ZNF124: variants seen among roughly 807,000 people sequenced by gnomAD.
ZNF124 encodes zinc finger protein 124, also known as zinc finger protein HZF-16.
Under a neutral mutation model 26.6 loss-of-function variants are expected in ZNF124, and 25 were observed. That is an observed-to-expected ratio of 0.94 (90% CI 0.68 to 1.31). The LOEUF (loss-of-function observed/expected upper bound fraction) is 1.31, where lower values mean the gene tolerates loss of function less well. Among genes scored for constraint, ZNF124 ranks in the 40% most tolerant of loss-of-function variants. ZNF124 has a pLI of 0.00. For missense variants in ZNF124, 444 were observed against 422.2 expected, an observed-to-expected ratio of 1.05 and a Z score of -0.45; for synonymous variants, 129 against 133.3, an observed-to-expected ratio of 0.97 and a Z score of 0.22.
chr1:247,123,505 G>T, exon 4 of ZNF124: 2 of 191,730 alleles, frequency 1.0e-5, no homozygotes, highest in Non-Finnish European at 1.1e-5. Flanking sequence ...TACGTGAGCC[G>T]TTTTTTGTTA....
At chr1:247,132,068 G>A (rs1672380519) in intron 3 of ZNF124, among the ~76,000 whole-genome samples, 1 of 152,180 alleles carries the variant, frequency 6.6e-6, no homozygotes, top group Non-Finnish European at 1.5e-5. Flanking sequence ...CCCAGAAGGA[G>A]GAGCAGGCAC....
In ZNF124 at chr1:247,125,430, C is replaced by CTTTTTTTTTTTTTTTTTTTTTTTTT. The variant is rs71566695; in HGVS notation, c.219-1584_219-1560dup. 8.5e-4 allele frequency among the ~76,000 whole-genome samples: 37 copies of CTTTTTTTTTTTTTTTTTTTTTTTTT among 43,296 alleles called. 7 individuals are homozygous for CTTTTTTTTTTTTTTTTTTTTTTTTT. Among genetic ancestry groups the CTTTTTTTTTTTTTTTTTTTTTTTTT allele is most frequent in the Non-Finnish European group, 1.2e-3 (28 of 23,386 alleles). 28.4% of individuals were successfully genotyped at this position (43,296 alleles called of 152,430 possible). A position where few individuals can be genotyped will look rare whatever the true frequency, so the allele number is the denominator to read the frequency against. On this transcript the variant is annotated intron_variant, in intron 3 of 3. Coordinates refer to the ZNF124 transcript ENST00000472531. Reference sequence around the variant, plus strand: ...TATCTTCACCGACACCTGTTTTTGTCTTTTTTTTTTTTTTTTTTTTTTTTT... The same window carrying CTTTTTTTTTTTTTTTTTTTTTTTTT: ...TATCTTCACCGACACCTGTTTTTGTCTTTTTTTTTTTTTTTTTTTTTTTTTTTTTTTTTTTTTTTTTTTTTTTTTT...
intron 1 of ZNF124, among the ~76,000 whole-genome samples, chr1:247,163,126 G>C (rs1175305345): frequency 6.6e-6 from 1 of 151,970 alleles, no homozygotes; most frequent in African/African-American, 2.4e-5. Flanking sequence ...AAACATACAA[G>C]AATCTCTGGA....
At chr1:247,162,835 A>C (rs1405173593) in intron 1 of ZNF124, among the ~76,000 whole-genome samples, 1 of 152,144 alleles carries the variant, frequency 6.6e-6, no homozygotes, top group Non-Finnish European at 1.5e-5. Context: ...CACAGAGTTA[A>C]CAGTGGGAGG....
intron 1 of ZNF124, among the ~76,000 whole-genome samples, chr1:247,160,739 T>A (rs1268038180): frequency 6.6e-6 from 1 of 152,224 alleles, no homozygotes; most frequent in East Asian, 1.9e-4. Context: ...TCTGATGAGC[T>A]TCCCTGGTAG....
downstream of ZNF124, among the ~76,000 whole-genome samples, chr1:247,151,948 T>A (rs1306155232): frequency 6.6e-6 from 1 of 152,042 alleles, no homozygotes; most frequent in Non-Finnish European, 1.5e-5. Flanking sequence ...GAAAGTGACC[T>A]ATGCTGTTAG....
At chr1:247,147,106 A>G (rs898176883) in intron 3 of ZNF124, among the ~76,000 whole-genome samples, 1 of 150,074 alleles carries the variant, frequency 6.7e-6, no homozygotes, top group African/African-American at 2.5e-5. Context: ...ATTGGTTTAA[A>G]CCAATTTCAG....
chr1:247,170,453 T>G (rs1674042600), intron 1 of ZNF124, among the ~76,000 whole-genome samples: 1 of 150,512 alleles, frequency 6.6e-6, no homozygotes, highest in African/African-American at 2.4e-5. Context: ...TTTGAGACCC[T>G]GCTTGCCTTA....
Position 247,156,038 on chromosome 1 carries a change from A to G in ZNF124, c.*528T>C. The G allele has an allele frequency of 1.0e-6, 1 of 962,912 alleles. No individual in the cohort carries two copies. Among genetic ancestry groups the G allele is most frequent in the Non-Finnish European group, 1.2e-6 (1 of 809,584 alleles). The allele number at this position is 962,912 out of a possible 1,614,324, so 59.6% of individuals were successfully genotyped here. On this transcript the variant is annotated 3_prime_UTR_variant, in exon 4 of 4. Coordinates refer to ENST00000543802, the MANE Select transcript of ZNF124 (RefSeq NM_001297568.2). ...GAATTGTACTATAATTATTTTCCAT[A>G]AGGTTTTCCATAATATTTACATTTA...
intron 1 of ZNF124, among the ~76,000 whole-genome samples, chr1:247,163,520 C>T (rs750229478): frequency 2.4e-4 from 36 of 150,382 alleles, no homozygotes; most frequent in Non-Finnish European, 5.9e-5. Flanking sequence ...CATCTCTATG[C>T]ATACAGGCTA....
At chr1:247,140,745 T>C (rs1672605554) in intron 3 of ZNF124, among the ~76,000 whole-genome samples, 1 of 152,188 alleles carries the variant, frequency 6.6e-6, no homozygotes, top group African/African-American at 2.4e-5. Flanking sequence ...AAGGTGTTTT[T>C]GGTGTTGGAA....
rs748845216 is a variant in ZNF124, at chr1:247,157,086, T to G, written c.536A>C (p.Glu179Ala). 1 of 1,614,122 alleles carries G rather than the reference T, an allele frequency of 6.2e-7. No homozygotes were observed. The highest frequency in any genetic ancestry group is 1.1e-5 in the South Asian group (1 of 91,068). ...KRIHTGEKRYECKQCGKAFSR... is the reference protein window; with the variant it reads ...KRIHTGEKRYACKQCGKAFSR... ...GAAGGCTTTCCCACATTGCTTACAT[T>G]CATAGCGTTTTTCTCCAGTGTGAAT... The change falls in exon 4 of 4, where the codon GAA becomes GCA. Residue 179 changes from glutamate to alanine, a missense_variant. Physicochemically the swap from Glu to Ala is moderately radical, Grantham distance 107 (BLOSUM62 -1). Transcript: ENST00000543802.
intron 1 of ZNF124, among the ~76,000 whole-genome samples, chr1:247,165,710 ACAAG>A (rs1321534116): frequency 6.6e-6 from 1 of 152,220 alleles, no homozygotes; most frequent in Non-Finnish European, 1.5e-5. Flanking sequence ...AAATAAATTA[ACAAG>A]CAAAGAGGAA....
intron 3 of ZNF124, among the ~76,000 whole-genome samples, chr1:247,132,708 C>T (rs140997544): frequency 9.4e-4 from 143 of 152,306 alleles, no homozygotes; most frequent in Non-Finnish European, 1.5e-3. Flanking sequence ...CTGACCTAAC[C>T]GGTTGTGTTA....
intron 3 of ZNF124, among the ~76,000 whole-genome samples, chr1:247,125,421 T>C (rs1372546504): frequency 1.2e-4 from 17 of 143,326 alleles, no homozygotes; most frequent in Non-Finnish European, 1.5e-4. Flanking sequence ...CACCGACACC[T>C]GTTTTTGTCT....
At chr1:247,139,759 G>C (rs1220217582) in intron 3 of ZNF124, among the ~76,000 whole-genome samples, 10 of 152,134 alleles carry the variant, frequency 6.6e-5, no homozygotes, top group African/African-American at 2.4e-4. Flanking sequence ...AGGAAGCTTA[G>C]TTTGGCTGGG....
chr1:247,150,754 CCACAAAAACA>C (rs1318407640), downstream of ZNF124, among the ~76,000 whole-genome samples: 1 of 151,024 alleles, frequency 6.6e-6, no homozygotes, highest in Non-Finnish European at 1.5e-5. Flanking sequence ...GAATTCCTAG[CCACAAAAACA>C]CTCAATTATG....
chr1:247,136,247 C>T (rs1048966130), intron 3 of ZNF124, among the ~76,000 whole-genome samples: 1 of 152,122 alleles, frequency 6.6e-6, no homozygotes, highest in Admixed American at 6.5e-5. Context: ...ATTTGAAAAA[C>T]CCCATCATCT....
intron 3 of ZNF124, among the ~76,000 whole-genome samples, chr1:247,133,983 T>C (rs1672428887): frequency 6.6e-6 from 1 of 152,064 alleles, no homozygotes; most frequent in Non-Finnish European, 1.5e-5. Flanking sequence ...AATTTTCAAC[T>C]CAGAATTTCA....
Sources: gnomAD v4.1 joint callset for allele counts (sites outside exome capture counted in the v4.1 genomes callset) on GRCh38, gnomAD v4.1.1 for gene constraint, MANE v1.5 for transcripts, NCBI Gene and HGNC (gene_info 2026-07-23, HGNC 2026-07-21) for gene names.